Variants in YIPF7 observed in about 807,000 individuals in gnomAD.
YIPF7 encodes protein YIPF7.
YIPF7 carries 35 observed loss-of-function variants against 27.2 expected under a neutral mutation model. The ratio of observed to expected loss-of-function variants is 1.29; its 90% CI spans 0.98 to 1.70. The LOEUF (loss-of-function observed/expected upper bound fraction) is 1.70. Among genes scored for constraint, YIPF7 ranks in the 40% most tolerant of loss-of-function variants. The pLI, the probability that YIPF7 is intolerant of heterozygous loss-of-function variation, is 0.00. For missense variants in YIPF7, 358 were observed against 303.7 expected (o/e 1.18, Z -1.33); for synonymous variants, 137 against 110.4 (o/e 1.24, Z -1.51).
chr4:44,627,106 G>C (rs1712686115), intron 4 of YIPF7, among the ~76,000 whole-genome samples: 1 of 151,984 alleles, frequency 6.6e-6, no homozygotes, highest in Non-Finnish European at 1.5e-5. Flanking sequence ...AAAATACTTA[G>C]TGTTCTTCTG....
intron 1 of YIPF7, among the ~76,000 whole-genome samples, chr4:44,661,914 G>A (rs13143481): frequency 0.54 from 82,635 of 151,742 alleles, 23,432 homozygotes; most frequent in Non-Finnish European, 0.64. Context: ...AGCAGATAGA[G>A]TTCTTGGTTC....
intron 2 of YIPF7, among the ~76,000 whole-genome samples, chr4:44,659,791 C>T (rs1483405764): frequency 2.0e-5 from 3 of 151,870 alleles, no homozygotes; most frequent in Admixed American, 6.6e-5. Flanking sequence ...ATAATTTATC[C>T]TAAAGACTTA....
At chr4:44,637,992 A>C (rs1455457709) in intron 2 of YIPF7, among the ~76,000 whole-genome samples, 1 of 152,170 alleles carries the variant, frequency 6.6e-6, no homozygotes, top group Non-Finnish European at 1.5e-5. Context: ...AACTCAAACA[A>C]ATTATCAAGA....
intron 2 of YIPF7, among the ~76,000 whole-genome samples, chr4:44,649,014 C>T (rs930850220): frequency 6.6e-6 from 1 of 152,100 alleles, no homozygotes; most frequent in Non-Finnish European, 1.5e-5. Flanking sequence ...TCCGTCATGG[C>T]ATTTTTCATA....
chr4:44,627,691 G>A (rs912916062), intron 4 of YIPF7, among the ~76,000 whole-genome samples: 10 of 152,056 alleles, frequency 6.6e-5, no homozygotes, highest in East Asian at 1.9e-4. Context: ...CAGAAAATAC[G>A]TATTTTCACA....
intron 2 of YIPF7, among the ~76,000 whole-genome samples, chr4:44,659,507 C>G (rs1327956395): frequency 1.3e-5 from 2 of 151,840 alleles, no homozygotes; most frequent in Admixed American, 6.6e-5. Context: ...AAAAGAAGAG[C>G]AAAGAAACGA....
intron 4 of YIPF7, among the ~76,000 whole-genome samples, chr4:44,628,078 A>T (rs1712737386): frequency 6.6e-6 from 1 of 152,134 alleles, no homozygotes; most frequent in Non-Finnish European, 1.5e-5. Flanking sequence ...ATTGTTTCTG[A>T]CTATTTGATT....
chr4:44,658,029 G>A (rs1400546664), intron 2 of YIPF7, among the ~76,000 whole-genome samples: 2 of 151,786 alleles, frequency 1.3e-5, no homozygotes, highest in African/African-American at 4.8e-5. Flanking sequence ...GACTAGCCTG[G>A]GCAATATAGT....
intron 4 of YIPF7, among the ~76,000 whole-genome samples, chr4:44,628,826 G>A (rs933249585): frequency 5.9e-5 from 9 of 152,086 alleles, no homozygotes; most frequent in Admixed American, 5.9e-4. Flanking sequence ...AGTGAAGTCA[G>A]GGAACAAATG....
rs116157973 is a variant in YIPF7, at chr4:44,636,977, C to T, written c.117-892G>A. ...CTTCCATGTGTACGTATTTTTAGCACGTTTATGAGTAAAAACATGTGATAT... is the reference window on the plus strand; with the variant it reads ...CTTCCATGTGTACGTATTTTTAGCATGTTTATGAGTAAAAACATGTGATAT... On this transcript the variant is annotated intron_variant, in intron 2 of 5. Transcript: ENST00000415895. 5.7e-3 allele frequency among the ~76,000 whole-genome samples: 864 copies of T among 152,116 alleles called. 5 individuals are homozygous for T. The highest frequency in any genetic ancestry group is 0.019 in the African/African-American group (803 of 41,504).
chr4:44,654,963 T>C (rs1491315), upstream of YIPF7, among the ~76,000 whole-genome samples: 94,536 of 151,794 alleles, frequency 0.62, 30,216 homozygotes, highest in Non-Finnish European at 0.7. Context: ...ACACCTTTAA[T>C]GACTTGACAA....
intron 2 of YIPF7, among the ~76,000 whole-genome samples, chr4:44,639,886 G>C (rs944740435): frequency 6.6e-6 from 1 of 152,006 alleles, no homozygotes; most frequent in Non-Finnish European, 1.5e-5. Context: ...AGTTTGTTGA[G>C]GGTTTTTATT....
intron 2 of YIPF7, among the ~76,000 whole-genome samples, chr4:44,657,392 G>A (rs986261484): frequency 4.6e-5 from 7 of 152,160 alleles, no homozygotes; most frequent in African/African-American, 1.7e-4. Flanking sequence ...GGTATAGCAT[G>A]ACAAAATAAT....
intron 2 of YIPF7, among the ~76,000 whole-genome samples, chr4:44,648,881 ATTC>A (rs1382432314): frequency 1.3e-5 from 2 of 152,128 alleles, no homozygotes; most frequent in Non-Finnish European, 2.9e-5. Context: ...TTTGAACCAA[ATTC>A]TTCTTACTCT....
intron 2 of YIPF7, among the ~76,000 whole-genome samples, chr4:44,646,149 A>T (rs1011435433): frequency 6.6e-6 from 1 of 152,192 alleles, no homozygotes; most frequent in Non-Finnish European, 1.5e-5. Flanking sequence ...GGCAACATAG[A>T]ATTAACTAGT....
chr4:44,651,103 T>C (rs1300834960), intron 1 of YIPF7, among the ~76,000 whole-genome samples: 4 of 152,292 alleles, frequency 2.6e-5, no homozygotes, highest in Non-Finnish European at 4.4e-5. Flanking sequence ...TCAAATGAAA[T>C]TGCATAAACA....
chr4:44,653,332 G>T (rs1007962001), upstream of YIPF7, among the ~76,000 whole-genome samples: 3 of 152,030 alleles, frequency 2.0e-5, no homozygotes, highest in Admixed American at 2.0e-4. Context: ...AAAATGTGAT[G>T]ATTCCGTATT....
chr4:44,622,115 T>C lies in YIPF7; in HGVS notation c.*299A>G. On this transcript the variant is annotated 3_prime_UTR_variant, in exon 6 of 6. Transcript: ENST00000415895. ...TCCTTTTAGTAAACATATGAGTTTA[T>C]TTACTTACTTTTCTCAGAAATACCT... The C allele has an allele frequency of 3.5e-6, 1 of 283,762 alleles. No homozygotes were observed. The highest frequency in any genetic ancestry group is 5.2e-5 in the South Asian group (1 of 19,056). 17.6% of individuals were successfully genotyped at this position (283,762 alleles called of 1,614,324 possible).
chr4:44,636,978 G>A (rs1445586912), intron 2 of YIPF7, among the ~76,000 whole-genome samples: 2 of 152,004 alleles, frequency 1.3e-5, no homozygotes, highest in Non-Finnish European at 1.5e-5. Flanking sequence ...TTTTTAGCAC[G>A]TTTATGAGTA....
Sources: allele counts gnomAD v4.1 joint callset (sites outside exome capture counted in the v4.1 genomes callset), GRCh38; gene constraint gnomAD v4.1.1; transcripts MANE v1.5; gene names NCBI Gene and HGNC (gene_info 2026-07-23, HGNC 2026-07-21).